The following GTF2B variants were observed in gnomAD, a reference collection of about 807,000 sequenced individuals.
The protein encoded by GTF2B is transcription initiation factor IIB.
A neutral mutation model predicts 34.6 loss-of-function variants in GTF2B; 20 were observed. The observed-to-expected ratio is 0.58, with a 90% CI of 0.41 to 0.84. GTF2B has a LOEUF of 0.84. Ranked by LOEUF, GTF2B falls within the 40% of genes least tolerant of loss-of-function variation. GTF2B has a pLI of 0.00. For synonymous variants in GTF2B, 142 were observed against 132.4 expected (o/e 1.07, Z -0.50); for missense variants, 237 against 393.3 (o/e 0.60, Z 3.36).
intron 2 of GTF2B, among the ~76,000 whole-genome samples, chr1:88,878,944 C>T (rs1385461945): frequency 6.6e-6 from 1 of 152,216 alleles, no homozygotes; most frequent in Non-Finnish European, 1.5e-5. Flanking sequence ...GCAGATCTTA[C>T]AGGCCCAGCC....
In GTF2B at chr1:88,856,272, C is replaced by CAAAAAAAAAAAAAAAAAAAAAAAAAAAAA; in HGVS notation, c.817+933_817+934insTTTTTTTTTTTTTTTTTTTTTTTTTTTTT. Among the ~76,000 whole-genome samples the CAAAAAAAAAAAAAAAAAAAAAAAAAAAAA allele has an allele frequency of 4.0e-5, 2 of 50,032 alleles. 1 individual carries two copies. Among genetic ancestry groups the CAAAAAAAAAAAAAAAAAAAAAAAAAAAAA allele is most frequent in the Non-Finnish European group, 6.7e-5 (2 of 29,822 alleles). The allele number at this position is 50,032 out of a possible 152,430, so 32.8% of individuals were successfully genotyped here. ...CAACAGAGGGAGACTGTTTCAAAAA[C>CAAAAAAAAAAAAAAAAAAAAAAAAAAAAA]AAAAAAAAAAAAAAAAAACAAAAAA... On this transcript the variant is annotated intron_variant, in intron 6 of 6. Transcript: ENST00000370500.
chr1:88,881,111 AAT>A (rs1673928103), intron 2 of GTF2B, among the ~76,000 whole-genome samples: 2 of 151,688 alleles, frequency 1.3e-5, no homozygotes, highest in South Asian at 4.2e-4. Flanking sequence ...CACATACTAG[AAT>A]ATGAGTTTGG....
chr1:88,887,474 C>T, intron 1 of GTF2B, 107 bp from the exon 2 acceptor site: 1 of 733,920 alleles, frequency 1.4e-6, no homozygotes, highest in Admixed American at 1.9e-5. Context: ...TTTTTTCATA[C>T]ATACAACTGT....
chr1:88,861,320 C>G (rs1673435799), intron 3 of GTF2B, among the ~76,000 whole-genome samples: 1 of 152,164 alleles, frequency 6.6e-6, no homozygotes, highest in South Asian at 2.1e-4. Context: ...CCAATTTTCC[C>G]TGTGTCAATT....
Position 88,891,554 on chromosome 1 carries a change from G to A in GTF2B, c.-55C>T, listed in dbSNP as rs1365635849. ...GACACAACAGACACACCGAAAGCAG[G>A]AAGCGAATGTGGCGAAGAGACGCGC... On this transcript the variant is annotated 5_prime_UTR_variant, in exon 1 of 7. Coordinates refer to ENST00000370500, the MANE Select transcript of GTF2B (RefSeq NM_001514.6). The A allele has an allele frequency of 1.0e-5, 16 of 1,542,684 alleles. No homozygotes were observed. Among genetic ancestry groups the A allele is most frequent in the Non-Finnish European group, 1.4e-5 (16 of 1,127,070 alleles).
chr1:88,890,962 T>C (rs1570741732), intron 1 of GTF2B, among the ~76,000 whole-genome samples: 2 of 152,166 alleles, frequency 1.3e-5, no homozygotes, highest in South Asian at 2.1e-4. Flanking sequence ...CCCGCTGTGA[T>C]GGTAACCAAC....
At chr1:88,874,960 A>C (rs886127766) in intron 2 of GTF2B, among the ~76,000 whole-genome samples, 7 of 152,148 alleles carry the variant, frequency 4.6e-5, no homozygotes, top group African/African-American at 1.7e-4. Flanking sequence ...TACTTTGGAA[A>C]ACTATTTTAA....
At chr1:88,878,841 A>G (rs566790086) in intron 2 of GTF2B, among the ~76,000 whole-genome samples, 144 of 152,330 alleles carry the variant, frequency 9.5e-4, no homozygotes, top group African/African-American at 3.2e-3. Flanking sequence ...CTGTAAGACA[A>G]CTATGGAGAA....
chr1:88,885,564 G>C (rs1486231271), intron 2 of GTF2B, among the ~76,000 whole-genome samples: 1 of 152,048 alleles, frequency 6.6e-6, no homozygotes, highest in Non-Finnish European at 1.5e-5. Context: ...CCTGACCAAT[G>C]TGGAGAAACA....
At chr1:88,860,040 C>T (rs1557653510) in intron 4 of GTF2B, 29 bp from the exon 5 acceptor site, 1 of 1,611,668 alleles carries the variant, frequency 6.2e-7, no homozygotes, top group African/African-American at 1.3e-5. Flanking sequence ...AAGTTTAACT[C>T]TACGTCATTT....
chr1:88,858,819 T>A (rs1288420828), intron 5 of GTF2B: 1 of 151,876 alleles, frequency 6.6e-6, no homozygotes, highest in Non-Finnish European at 1.5e-5. Flanking sequence ...TTAACTGAAG[T>A]GTAAAAGTGC....
intron 1 of GTF2B, among the ~76,000 whole-genome samples, chr1:88,888,575 C>T (rs1461870793): frequency 6.6e-6 from 1 of 152,050 alleles, no homozygotes; most frequent in Non-Finnish European, 1.5e-5. Context: ...ACAGTAATTA[C>T]AAATTAGTAA....
At chr1:88,889,504 A>G (rs1473268102) in intron 1 of GTF2B, among the ~76,000 whole-genome samples, 1 of 152,232 alleles carries the variant, frequency 6.6e-6, no homozygotes, top group Non-Finnish European at 1.5e-5. Flanking sequence ...TGTGTTATAC[A>G]TTTATTATTG....
chr1:88,868,683 T>C (rs1673613738), intron 2 of GTF2B, among the ~76,000 whole-genome samples: 1 of 152,130 alleles, frequency 6.6e-6, no homozygotes, highest in Admixed American at 6.6e-5. Context: ...TTGGCACCTA[T>C]CTTACAATCT....
At chr1:88,859,857 C>T (rs1557653457) in intron 5 of GTF2B, 25 bp downstream of exon 5, 1 of 1,603,470 alleles carries the variant, frequency 6.2e-7, no homozygotes, top group Admixed American at 1.7e-5. Flanking sequence ...CAAACAAACA[C>T]AAAAAAACAA....
rs562285591 is a variant in GTF2B at position 88,865,722 on chromosome 1, A to G, written c.125-1608T>C. 4.6e-5 allele frequency among the ~76,000 whole-genome samples: 7 copies of G among 151,952 alleles called. 1 individual carries two copies. The South Asian group carries it at 1.5e-3, about 32-fold the overall frequency. On this transcript the variant is annotated intron_variant, in intron 2 of 6. Transcript: ENST00000370500. Reference sequence around the variant, plus strand: ...ACAAAATAGCTGGGCGTGGTGGCACATGCCTGTAATCCCAGCTACTCAGGA... The same window carrying G: ...ACAAAATAGCTGGGCGTGGTGGCACGTGCCTGTAATCCCAGCTACTCAGGA...
Position 88,853,199 on chromosome 1 carries a change from T to C in GTF2B, c.*14A>G, listed in dbSNP as rs1673231200. ...AAGTTTTGTATTCAAGAATTTGACG[T>C]TAGCTGCCTCAATTTATAGCTGTGG... On this transcript the variant is annotated 3_prime_UTR_variant, in exon 7 of 7. Transcript: ENST00000370500. The C allele has an allele frequency of 6.2e-7, 1 of 1,613,068 alleles. No individual in the cohort carries two copies. The highest frequency in any genetic ancestry group is 1.1e-5 in the South Asian group (1 of 91,068).
At chr1:88,872,540 T>C (rs946004725) in intron 2 of GTF2B, among the ~76,000 whole-genome samples, 1 of 151,614 alleles carries the variant, frequency 6.6e-6, no homozygotes, top group Admixed American at 6.6e-5. Flanking sequence ...TTTTTAAATA[T>C]TAAAAGGATG....
intron 2 of GTF2B, among the ~76,000 whole-genome samples, chr1:88,873,700 T>C (rs997607011): frequency 1.1e-4 from 16 of 152,198 alleles, no homozygotes; most frequent in Non-Finnish European, 1.9e-4. Flanking sequence ...ACGGGACAGC[T>C]GTTGGTAATT....
Sources: allele counts gnomAD v4.1 joint callset (sites outside exome capture counted in the v4.1 genomes callset), GRCh38; gene constraint gnomAD v4.1.1; transcripts MANE v1.5; gene names NCBI Gene and HGNC (gene_info 2026-07-23, HGNC 2026-07-21).